Variants in NOX4 observed in about 807,000 individuals in gnomAD.
NOX4 encodes NADPH oxidase 4, also known as kidney oxidase-1.
NOX4 carries 69 observed loss-of-function variants against 87.6 expected under a neutral mutation model. The observed-to-expected ratio is 0.79, with a 90% CI of 0.65 to 0.96. The LOEUF (loss-of-function observed/expected upper bound fraction) is 0.96. NOX4 is among the 40% of genes least tolerant of loss of function. The pLI is 0.00. For missense variants in NOX4, 680 were observed against 681.5 expected, an observed-to-expected ratio of 1.00 and a Z score of 0.02; for synonymous variants, 275 against 238.2, an observed-to-expected ratio of 1.15 and a Z score of -1.42.
the NOX4 span, among the ~76,000 whole-genome samples, chr11:89,537,642 T>C: frequency 6.6e-6 from 1 of 152,122 alleles, no homozygotes; most frequent in East Asian, 1.9e-4. Context: ...TGCTTATTTT[T>C]AGATCTAGTA....
In NOX4 at chr11:89,357,055, G is replaced by C. The variant is rs1254649278; in HGVS notation, c.1136-2012C>G. ...CACAAAATGATGAAAATATACACTT[G>C]ATGACAATTGCCATTTCCTAGTTTA... On this transcript the variant is annotated intron_variant, in intron 12 of 17. Coordinates refer to ENST00000263317, the MANE Select transcript of NOX4 (RefSeq NM_016931.5). Among the ~76,000 whole-genome samples, 6 of 152,106 alleles carry C rather than the reference G, an allele frequency of 3.9e-5. No individual in the cohort carries two copies. In the East Asian group the frequency reaches 1.2e-3, roughly 29 times the overall value.
chr11:89,470,472 C>A lies in NOX4; in HGVS notation c.154-18577G>T, dbSNP rs928058551. On this transcript the variant is annotated intron_variant, in intron 2 of 17. Coordinates refer to ENST00000263317, the MANE Select transcript of NOX4 (RefSeq NM_016931.5). ...GAGGCTAAGAGATGATCCTTCAATG[C>A]CCTTATTTTAGAAAAAGAGAATACC... 4.6e-5 allele frequency among the ~76,000 whole-genome samples: 7 copies of A among 152,192 alleles called. No individual in the cohort carries two copies. The East Asian group carries it at 1.4e-3, about 29-fold the overall frequency.
At chr11:89,498,559 A>C (rs1186534485), upstream of NOX4, among the ~76,000 whole-genome samples, 1 of 152,208 alleles carries the variant, frequency 6.6e-6, no homozygotes, top group Non-Finnish European at 1.5e-5. Flanking sequence ...AACTGCAAAT[A>C]ACTGATTTCT....
chr11:89,390,475 T>C (rs1252249704), intron 11 of NOX4, among the ~76,000 whole-genome samples: 1 of 152,134 alleles, frequency 6.6e-6, no homozygotes, highest in Non-Finnish European at 1.5e-5. Flanking sequence ...GATAGAGTGG[T>C]TTTAAGAAAA....
chr11:89,333,234 C>T (rs1945550833), intron 17 of NOX4, among the ~76,000 whole-genome samples: 1 of 151,620 alleles, frequency 6.6e-6, no homozygotes, highest in African/African-American at 2.4e-5. Context: ...TCAAAAGAAG[C>T]ACATCATTAA....
the NOX4 span, among the ~76,000 whole-genome samples, chr11:89,586,513 G>A: frequency 6.6e-6 from 1 of 152,124 alleles, no homozygotes; most frequent in South Asian, 2.1e-4. Context: ...GCAAAATAAT[G>A]CAAGTAACTC....
At chr11:89,360,267 A>G (rs1031156178) in intron 12 of NOX4, among the ~76,000 whole-genome samples, 1 of 152,062 alleles carries the variant, frequency 6.6e-6, no homozygotes, top group Non-Finnish European at 1.5e-5. Context: ...ATCTTTCTTC[A>G]CTCATACAGT....
intron 7 of NOX4, among the ~76,000 whole-genome samples, chr11:89,424,640 T>A (rs1334470965): frequency 6.6e-6 from 1 of 152,002 alleles, no homozygotes; most frequent in African/African-American, 2.4e-5. Context: ...CTGATTATTT[T>A]AAGTCAAAAT....
At chr11:89,478,980 A>C (rs1181019499) in intron 2 of NOX4, among the ~76,000 whole-genome samples, 2 of 151,592 alleles carry the variant, frequency 1.3e-5, no homozygotes, top group Non-Finnish European at 2.9e-5. Flanking sequence ...AGCCTGGGCA[A>C]CATAATGAGA....
At chr11:89,577,988 C>A in the NOX4 span, among the ~76,000 whole-genome samples, 1 of 151,962 alleles carries the variant, frequency 6.6e-6, no homozygotes, top group Non-Finnish European at 1.5e-5. Context: ...TGGAACTCTG[C>A]ATGGTGAGGT....
At chr11:89,557,577 A>G in the NOX4 span, among the ~76,000 whole-genome samples, 1 of 152,278 alleles carries the variant, frequency 6.6e-6, no homozygotes, top group South Asian at 2.1e-4. Context: ...ACTGCCAGGT[A>G]CTGACATAAT....
At chr11:89,410,156 C>G (rs1942400982) in intron 8 of NOX4, among the ~76,000 whole-genome samples, 1 of 152,012 alleles carries the variant, frequency 6.6e-6, no homozygotes, top group South Asian at 2.1e-4. Flanking sequence ...CAAAAATGTG[C>G]CAGTCTACAA....
the NOX4 span, among the ~76,000 whole-genome samples, chr11:89,524,564 T>G: frequency 1.3e-5 from 2 of 152,124 alleles, no homozygotes; most frequent in Non-Finnish European, 2.9e-5. Context: ...CATATTGAGG[T>G]TCACATAAAG....
At chr11:89,397,486 G>T (rs992681713) in intron 11 of NOX4, among the ~76,000 whole-genome samples, 3 of 152,126 alleles carry the variant, frequency 2.0e-5, no homozygotes, top group African/African-American at 7.2e-5. Flanking sequence ...AACTGAAGCA[G>T]AGAGAGACAC....
At chr11:89,472,513 C>A (rs991407647) in intron 2 of NOX4, among the ~76,000 whole-genome samples, 10 of 151,986 alleles carry the variant, frequency 6.6e-5, no homozygotes, top group Admixed American at 1.3e-4. Context: ...TAACTCAAAT[C>A]TTTTCTATTT....
At chr11:89,349,226 G>T (rs1946346593) in intron 13 of NOX4, among the ~76,000 whole-genome samples, 1 of 151,980 alleles carries the variant, frequency 6.6e-6, no homozygotes, top group Non-Finnish European at 1.5e-5. Flanking sequence ...GGCAGAGCTT[G>T]CAGTGAGCCG....
chr11:89,577,992 G>C, the NOX4 span, among the ~76,000 whole-genome samples: 8 of 151,942 alleles, frequency 5.3e-5, no homozygotes, highest in African/African-American at 1.5e-4. Flanking sequence ...ACTCTGCATG[G>C]TGAGGTTTGG....
intron 4 of NOX4, 64 bp downstream of exon 4, chr11:89,449,376 C>T: frequency 8.1e-7 from 1 of 1,227,716 alleles, no homozygotes; most frequent in South Asian, 1.4e-5. Flanking sequence ...CTGTGTATGT[C>T]TGGAATGTTT....
At chr11:89,548,692 C>A in the NOX4 span, 1 of 152,186 alleles carries the variant, frequency 6.6e-6, no homozygotes, top group Non-Finnish European at 1.5e-5. Flanking sequence ...TTGCTTTCAC[C>A]TGCCATGCCA....
Sources: gnomAD v4.1 joint callset for allele counts (sites outside exome capture counted in the v4.1 genomes callset) on GRCh38, gnomAD v4.1.1 for gene constraint, MANE v1.5 for transcripts, NCBI Gene and HGNC (gene_info 2026-07-23, HGNC 2026-07-21) for gene names.